COL6A1: variants seen among roughly 807,000 people sequenced by gnomAD.
The protein encoded by COL6A1 is collagen alpha-1(VI) chain.
In COL6A1, 80 loss-of-function variants were observed where a neutral mutation model predicts 145.6. The ratio of observed to expected loss-of-function variants is 0.55; its 90% CI spans 0.46 to 0.66. COL6A1 has a LOEUF of 0.66. Among genes scored for constraint, COL6A1 ranks in the 30% least tolerant of loss-of-function variants. The pLI, the probability that COL6A1 is intolerant of heterozygous loss-of-function variation, is 0.00. For synonymous variants in COL6A1, 638 were observed against 622.8 expected (o/e 1.02, Z -0.36); for missense variants, 1,364 against 1,473.8 (o/e 0.93, Z 1.22).
intron 24 of COL6A1, among the ~76,000 whole-genome samples, chr21:45,998,654 C>T (rs1480796744): frequency 2.6e-5 from 4 of 152,180 alleles, no homozygotes; most frequent in Non-Finnish European, 5.9e-5. Flanking sequence ...TGGGTCTCCT[C>T]ACGGCCCTGA....
chr21:45,991,020 C>T lies in COL6A1; in HGVS notation c.1098C>T (p.Ala366=). 1 of 1,613,326 alleles carries T rather than the reference C, an allele frequency of 6.2e-7. No individual in the cohort carries two copies. The highest frequency in any genetic ancestry group is 1.1e-5 in the South Asian group (1 of 91,082). The change falls in exon 15 of 35, where the codon GCC becomes GCT. Residue 366 remains alanine (A), a synonymous_variant. Transcript: ENST00000361866. Reference sequence around the variant, plus strand: ...CTGGCCCCAAGGGAGACCCCGGTGCCTTTGGACTGAAAGGAGAAAAGGTGA... The same window carrying T: ...CTGGCCCCAAGGGAGACCCCGGTGCTTTTGGACTGAAAGGAGAAAAGGTGA... ...GPPGPKGDPG[A]FGLKGEKGEP... is the part of the protein sequence containing the mutation.
rs144887329 is a variant in COL6A1 at position 45,994,181 on chromosome 21, G to A, written c.1350G>A (p.Pro450=). 7.7e-4 allele frequency: 1,228 copies of A among 1,604,620 alleles called. 2 individuals carry two copies. The highest frequency in any genetic ancestry group is 9.4e-4 in the Non-Finnish European group (1,108 of 1,176,572). The change falls in exon 20 of 35, where the codon CCG becomes CCA. Residue 450 remains proline (P), a synonymous_variant. Transcript: ENST00000361866. The surrounding 1 kb of genome is among the most constrained non-coding windows in gnomAD (Gnocchi z 6.8). ...TTTCTCTTCAGGGTGAAGCTGGCCCGCAGGGTGATCAGGGAAGAGAAGGCC... is the reference window on the plus strand; with the variant it reads ...TTTCTCTTCAGGGTGAAGCTGGCCCACAGGGTGATCAGGGAAGAGAAGGCC... ...GPRGDPGEAG[P]QGDQGREGPV...
At position 45,992,376 on chromosome 21, in the gene COL6A1, CT is replaced by C; in HGVS notation, c.1251del (p.Asp418ThrfsTer87). ...TCTTCATCCCAGGGGAACCCAGGAC[CT>C]GACGGTGCCCCCGGGGAGCGGGTGA... The part of the protein sequence containing the change: ...GEAGDEGNPG[P>X]DGAPGERGGP... On this transcript the variant is annotated frameshift_variant, in exon 18 of 35. Coordinates refer to ENST00000361866, the MANE Select transcript of COL6A1 (RefSeq NM_001848.3). LOFTEE classifies it high-confidence loss of function. The C allele has an allele frequency of 6.2e-7, 1 of 1,613,608 alleles. No homozygotes were observed. Among genetic ancestry groups the C allele is most frequent in the Non-Finnish European group, 8.5e-7 (1 of 1,179,994 alleles).
Position 45,986,522 on chromosome 21 carries a change from C to A in COL6A1, c.429-4C>A. On this transcript the variant is annotated splice_polypyrimidine_tract_variant and splice_region_variant and intron_variant, in intron 3 of 34. Coordinates refer to ENST00000361866, the MANE Select transcript of COL6A1 (RefSeq NM_001848.3). Reference sequence around the variant, plus strand: ...GAGGTCTCACGCTGCCCTCTCCTGTCCAGGGGCTCCCACCTGAAGGAGAAT... The same window carrying A: ...GAGGTCTCACGCTGCCCTCTCCTGTACAGGGGCTCCCACCTGAAGGAGAAT... 6.4e-7 allele frequency: 1 copy of A among 1,556,470 alleles called. No homozygotes were observed. Among genetic ancestry groups the A allele is most frequent in the East Asian group, 2.4e-5 (1 of 41,354 alleles).
intron 24 of COL6A1, 52 bp from the exon 25 acceptor site, chr21:45,998,845 C>T: frequency 2.6e-6 from 4 of 1,540,146 alleles, no homozygotes; most frequent in South Asian, 1.2e-5. Flanking sequence ...ATTTCCACTT[C>T]CTAAAAACAA....
intron 30 of COL6A1, 80 bp from the exon 31 acceptor site, chr21:46,001,881 C>A: frequency 7.8e-7 from 1 of 1,288,556 alleles, no homozygotes; most frequent in Non-Finnish European, 1.1e-6. Context: ...TGGGCACCCG[C>A]AGCCAATAGA....
chr21:46,002,091 G>A (rs1400563735), intron 31 of COL6A1, 21 bp downstream of exon 31: 1 of 1,602,576 alleles, frequency 6.2e-7, no homozygotes, highest in South Asian at 1.1e-5. Flanking sequence ...CACGCGGCCA[G>A]GACCCTCCCA....
rs113383538 is a variant in COL6A1, at chr21:46,000,811, TC to T, written c.1822+45del. 3.7e-6 allele frequency: 6 copies of T among 1,611,684 alleles called. No homozygotes were observed. The Admixed American group carries it at 5.0e-5, about 13-fold the overall frequency. On this transcript the variant is annotated intron_variant, in intron 29 of 34. Coordinates refer to ENST00000361866, the MANE Select transcript of COL6A1 (RefSeq NM_001848.3). ...CTCCTGAGAGAATGGATCCCGGGGG[TC>T]GGGGAGCGAGGCCTGGGTCCCACAC...
chr21:45,992,070 G>A lies in COL6A1; in HGVS notation c.1180G>A (p.Glu394Lys), dbSNP rs754767389. The change falls in exon 16 of 35, where the codon GAG becomes AAG. Residue 394 changes from glutamate (E) to lysine (K), a missense_variant and splice_region_variant. Around this residue, in one of 3 missense-constraint regions of COL6A1, gnomAD observed 938 missense variants for 1,003.8 expected, o/e 0.93. Transcript: ENST00000361866. ...RPGSSGPSGD[E>K]GQPGEPGPPG... ...AGGGAGCTCGGGACCATCTGGAGAC[G>A]AGGTGAGGAGCTTCACAGCCCCCAC... 6.8e-6 allele frequency: 11 copies of A among 1,612,446 alleles called. No homozygotes were observed. In the South Asian group the frequency reaches 7.7e-5, roughly 11 times the overall value.
Position 45,984,336 on chromosome 21 carries a change from A to C in COL6A1, c.295A>C (p.Ile99Leu). Reference sequence around the variant, plus strand: ...GCTGCACTACAGTGACGAGGTGGAGATCATCCAAGGCCTCACGCGCATGCC... The same window carrying C: ...GCTGCACTACAGTGACGAGGTGGAGCTCATCCAAGGCCTCACGCGCATGCC... ...GALHYSDEVEIIQGLTRMPGG... is the reference protein window; with the variant it reads ...GALHYSDEVELIQGLTRMPGG... Residue 99 changes from isoleucine to leucine, a missense_variant, in exon 3 of 35, where the codon ATC becomes CTC. Transcript: ENST00000361866. 1 of 1,612,440 alleles carries C rather than the reference A, an allele frequency of 6.2e-7. No individual in the cohort carries two copies.
At position 45,994,084 on chromosome 21, in the gene COL6A1, C is replaced by T; in HGVS notation, c.1336-83C>T. On this transcript the variant is annotated intron_variant, in intron 19 of 34. Transcript: ENST00000361866. This position sits in a 1 kb window ranked among gnomAD's most constrained non-coding sequence, Gnocchi z 6.8. ...AACAGCCCAGTGACCACCTGGACAG[C>T]ATGCTGTGGCTCCCAGCGTGCCCGG... The T allele has an allele frequency of 7.2e-7, 1 of 1,380,952 alleles. No individual in the cohort carries two copies. Among genetic ancestry groups the T allele is most frequent in the Non-Finnish European group, 1.0e-6 (1 of 991,528 alleles). 85.5% of individuals were successfully genotyped at this position (1,380,952 alleles called of 1,614,324 possible).
intron 3 of COL6A1, among the ~76,000 whole-genome samples, chr21:45,985,902 A>T (rs975848553): frequency 3.9e-5 from 6 of 152,094 alleles, no homozygotes; most frequent in Non-Finnish European, 8.8e-5. Flanking sequence ...TGCATGGGGG[A>T]TGTGGCCACA....
In COL6A1 at chr21:45,999,212, C is replaced by T. The variant is rs1366416677; in HGVS notation, c.1734C>T (p.Gly578=). ...CAAAGGGGTACCGGGGTCCCGAGGG[C>T]CCCCAGGTGGGTGGATGTGGCTGGG... is the stretch of plus-strand genomic sequence containing the variant. ...KGAKGYRGPE[G]PQGPPGHQGP... The change falls in exon 26 of 35, where the codon GGC becomes GGT. Residue 578 remains glycine (G), a synonymous_variant. Transcript: ENST00000361866. 1 of 1,597,382 alleles carries T rather than the reference C, an allele frequency of 6.3e-7. No homozygotes were observed. Among genetic ancestry groups the T allele is most frequent in the Non-Finnish European group, 8.5e-7 (1 of 1,173,088 alleles).
intron 3 of COL6A1, among the ~76,000 whole-genome samples, chr21:45,985,031 A>T (rs2077730585): frequency 6.8e-6 from 1 of 147,482 alleles, no homozygotes; most frequent in Non-Finnish European, 1.5e-5. Flanking sequence ...GGCAGAGAGA[A>T]GCAGAGACAG....
chr21:45,982,780 G>A lies in COL6A1; in HGVS notation c.227+17G>A, dbSNP rs201063276. On this transcript the variant is annotated intron_variant, in intron 2 of 34. Coordinates refer to ENST00000361866, the MANE Select transcript of COL6A1 (RefSeq NM_001848.3). ...GAGGGACAGGTAGGAGGGACGCCCC[G>A]TGACCTTCCTCCTGTGCTTCTGGGC... 1.5e-5 allele frequency: 24 copies of A among 1,610,962 alleles called. No homozygotes were observed. In the East Asian group the frequency reaches 2.2e-4, roughly 15 times the overall value.
At chr21:45,991,289 C>T (rs904670619) in intron 15 of COL6A1, among the ~76,000 whole-genome samples, 2 of 152,234 alleles carry the variant, frequency 1.3e-5, no homozygotes, top group Non-Finnish European at 2.9e-5. Context: ...AGGCCTCCGC[C>T]ATTCTGTCCC....
chr21:45,993,879 G>A lies in COL6A1; in HGVS notation c.1336-288G>A, dbSNP rs142493024. Among the ~76,000 whole-genome samples, 1,367 of 152,340 alleles carry A rather than the reference G, an allele frequency of 9.0e-3. 14 individuals carry two copies. The highest frequency in any genetic ancestry group is 0.014 in the Non-Finnish European group (936 of 68,024). ...AAGTCCATGGCTACAAACACTTGCCGGGTCCACGGAGCTTGCTGGAGAAGC... is the reference window on the plus strand; with the variant it reads ...AAGTCCATGGCTACAAACACTTGCCAGGTCCACGGAGCTTGCTGGAGAAGC... On this transcript the variant is annotated intron_variant, in intron 19 of 34. Coordinates refer to ENST00000361866, the MANE Select transcript of COL6A1 (RefSeq NM_001848.3).
rs1308708437 is a variant in COL6A1 at position 45,997,843 on chromosome 21, G to A, written c.1524+81G>A. 2.1e-6 allele frequency: 3 copies of A among 1,449,668 alleles called. No individual in the cohort carries two copies. In the Admixed American group the frequency reaches 6.2e-5, roughly 30 times the overall value. 89.8% of individuals were successfully genotyped at this position (1,449,668 alleles called of 1,614,324 possible). A position where few individuals can be genotyped will look rare whatever the true frequency, so the allele number is the denominator to read the frequency against. On this transcript the variant is annotated intron_variant, in intron 22 of 34. Coordinates refer to ENST00000361866, the MANE Select transcript of COL6A1 (RefSeq NM_001848.3). ...GGAAGCCCCAGCCCCGCACTGTGGA[G>A]CTGCCTGGGGTCCCTGACCGGGCCG... is the stretch of plus-strand genomic sequence containing the variant.
At chr21:46,000,065 G>A (rs2077834391) in intron 27 of COL6A1, among the ~76,000 whole-genome samples, 2 of 148,482 alleles carry the variant, frequency 1.3e-5, no homozygotes, top group Admixed American at 6.7e-5. Context: ...TGAGGATCAT[G>A]GGGGGACCTG....
Sources: gnomAD v4.1 joint callset for allele counts (sites outside exome capture counted in the v4.1 genomes callset) on GRCh38, gnomAD v4.1.1 for gene constraint, gnomAD v4.1.1 regional missense constraint, Gnocchi (gnomAD v3.1) non-coding constraint, MANE v1.5 for transcripts, NCBI Gene and HGNC (gene_info 2026-07-23, HGNC 2026-07-21) for gene names.